Variants in EBF1 observed in about 807,000 individuals in gnomAD.
EBF1 encodes EBF transcription factor 1.
In EBF1, 10 loss-of-function variants were observed where a neutral mutation model predicts 68.4. The ratio of observed to expected loss-of-function variants is 0.15; its 90% CI spans 0.09 to 0.25. The LOEUF (loss-of-function observed/expected upper bound fraction) is 0.25. Among genes scored for constraint, EBF1 ranks in the 10% least tolerant of loss-of-function variants. The probability of loss-of-function intolerance (pLI) is 1.00; values close to 1 mark genes in which losing one functional copy is unlikely to be tolerated. For missense variants in EBF1, 509 were observed against 794.4 expected (o/e 0.64, Z 4.32); for synonymous variants, 298 against 299.8 (o/e 0.99, Z 0.06).
At chr5:159,012,293 A>G (rs957790320) in intron 6 of EBF1, among the ~76,000 whole-genome samples, 1 of 151,886 alleles carries the variant, frequency 6.6e-6, no homozygotes, top group Non-Finnish European at 1.5e-5. Flanking sequence ...CTCAAAAAAA[A>G]AAAAGAAAAA....
chr5:158,713,374 C>T (rs1759893984), intron 12 of EBF1, among the ~76,000 whole-genome samples: 1 of 152,168 alleles, frequency 6.6e-6, no homozygotes, highest in Admixed American at 6.5e-5. Flanking sequence ...GTACACTCAC[C>T]TATTTAAGAA....
At chr5:158,712,592 A>G (rs1759647430) in intron 13 of EBF1, among the ~76,000 whole-genome samples, 1 of 152,158 alleles carries the variant, frequency 6.6e-6, no homozygotes, top group Non-Finnish European at 1.5e-5. Context: ...ATAAATTATC[A>G]TTTTAGAGCA....
At chr5:158,871,271 TA>T (rs1796820479) in intron 6 of EBF1, among the ~76,000 whole-genome samples, 1 of 152,126 alleles carries the variant, frequency 6.6e-6, no homozygotes, top group South Asian at 2.1e-4. Flanking sequence ...ATTAAGACAT[TA>T]AAACCAAATG....
intron 6 of EBF1, among the ~76,000 whole-genome samples, chr5:158,945,211 G>C (rs188046283): frequency 1.0e-3 from 154 of 152,128 alleles, no homozygotes; most frequent in African/African-American, 3.6e-3. Context: ...TTAGGTTTTA[G>C]GTTTAAATCT....
chr5:158,765,585 C>A (rs550622809), intron 10 of EBF1, among the ~76,000 whole-genome samples: 1 of 152,170 alleles, frequency 6.6e-6, no homozygotes, highest in African/African-American at 2.4e-5. Context: ...AGAAGTTAAC[C>A]ACAGTTGATG....
intron 7 of EBF1, among the ~76,000 whole-genome samples, chr5:158,829,746 C>T (rs926552586): frequency 6.6e-6 from 1 of 152,170 alleles, no homozygotes; most frequent in Non-Finnish European, 1.5e-5. Flanking sequence ...AACTACTTTG[C>T]AGACTCGTCA....
At chr5:158,761,435 G>C (rs1215363738) in intron 10 of EBF1, among the ~76,000 whole-genome samples, 1 of 152,170 alleles carries the variant, frequency 6.6e-6, no homozygotes, top group East Asian at 1.9e-4. Context: ...TTAATTCTAT[G>C]CTTCCTATGA....
At chr5:158,708,597 T>G (rs1055935945) in intron 14 of EBF1, among the ~76,000 whole-genome samples, 1 of 152,032 alleles carries the variant, frequency 6.6e-6, no homozygotes, top group African/African-American at 2.4e-5. Flanking sequence ...TTATGAGGGA[T>G]AGAGTAGCAC....
intron 11 of EBF1, among the ~76,000 whole-genome samples, chr5:158,722,439 A>T (rs1242191972): frequency 1.3e-5 from 2 of 152,228 alleles, no homozygotes; most frequent in African/African-American, 4.8e-5. Context: ...GGGACTGCTC[A>T]GTAAACAAAG....
intron 6 of EBF1, among the ~76,000 whole-genome samples, chr5:158,883,111 T>TAA (rs397939250): frequency 6.8e-6 from 1 of 147,790 alleles, no homozygotes; most frequent in African/African-American, 2.5e-5. Context: ...TATGTAATGT[T>TAA]AAAAAAAAAA....
At chr5:158,912,123 G>A (rs114723996) in intron 6 of EBF1, among the ~76,000 whole-genome samples, 155 of 152,244 alleles carry the variant, frequency 1.0e-3, no homozygotes, top group Non-Finnish European at 1.8e-3. Flanking sequence ...ATTGACTCAG[G>A]GCTCATCTAA....
chr5:159,015,103 C>A (rs1465372425), intron 6 of EBF1, among the ~76,000 whole-genome samples: 1 of 152,216 alleles, frequency 6.6e-6, no homozygotes, highest in Non-Finnish European at 1.5e-5. Flanking sequence ...ATGCAGTCAC[C>A]TAAAGAAAGG....
intron 6 of EBF1, among the ~76,000 whole-genome samples, chr5:158,969,888 G>GAAAT (rs761037187): frequency 4.0e-4 from 38 of 95,434 alleles, no homozygotes; most frequent in Admixed American, 3.4e-3. Context: ...AAGAAAGAAA[G>GAAAT]AAAGAAAGAA....
intron 2 of EBF1, 171 bp from the exon 3 acceptor site, chr5:159,096,577 G>T: frequency 1.5e-6 from 1 of 678,940 alleles, no homozygotes; most frequent in Non-Finnish European, 2.5e-6. Context: ...TCCGCCCCCT[G>T]TTCCTGACTG....
At position 158,840,664 on chromosome 5, in the gene EBF1, TTTTTTTTTG is replaced by T. The variant is rs1562086466; in HGVS notation, c.555-563_555-555del. On this transcript the variant is annotated intron_variant, in intron 6 of 15. Coordinates refer to ENST00000313708, the MANE Select transcript of EBF1 (RefSeq NM_024007.5). ...CCTCCTGTTTTTTTTTTTTTTTTTT[TTTTTTTTTG>T]TTTTTTTTTTTTTTTTGAGACGGAG... Among the ~76,000 whole-genome samples the T allele has an allele frequency of 2.7e-3, 213 of 79,944 alleles. 32 individuals are homozygous for T. The highest frequency in any genetic ancestry group is 4.1e-3 in the Non-Finnish European group (150 of 36,708). The allele number at this position is 79,944 out of a possible 152,430, so 52.4% of individuals were successfully genotyped here.
intron 6 of EBF1, among the ~76,000 whole-genome samples, chr5:158,989,017 C>T (rs914701175): frequency 6.6e-6 from 1 of 152,190 alleles, no homozygotes; most frequent in African/African-American, 2.4e-5. Context: ...CTCTTCTCTG[C>T]CCCAGAGGAA....
At chr5:159,096,948 G>T (rs772007330) in intron 2 of EBF1, 26 bp downstream of exon 2, 1 of 1,610,832 alleles carries the variant, frequency 6.2e-7, no homozygotes, top group Non-Finnish European at 8.5e-7. Flanking sequence ...CCGGGGACGA[G>T]GGGCGACAGC....
At chr5:158,728,210 C>T (rs1763384979) in intron 11 of EBF1, among the ~76,000 whole-genome samples, 1 of 152,192 alleles carries the variant, frequency 6.6e-6, no homozygotes, top group Admixed American at 6.5e-5. Flanking sequence ...AAGAGGACAG[C>T]CACTCGGCTC....
intron 6 of EBF1, among the ~76,000 whole-genome samples, chr5:158,874,030 G>A (rs750868963): frequency 4.6e-5 from 7 of 152,162 alleles, no homozygotes; most frequent in African/African-American, 1.2e-4. Context: ...GAGAGGAGAT[G>A]GAGGATTGTT....
Sources: allele counts gnomAD v4.1 joint callset (sites outside exome capture counted in the v4.1 genomes callset), GRCh38; gene constraint gnomAD v4.1.1; transcripts MANE v1.5; gene names NCBI Gene and HGNC (gene_info 2026-07-23, HGNC 2026-07-21).